The following MYT1L variants were observed in gnomAD, a reference collection of about 807,000 sequenced individuals.
MYT1L encodes myelin transcription factor 1-like protein.
In MYT1L, 12 loss-of-function variants were observed where a neutral mutation model predicts 126.7. The ratio of observed to expected loss-of-function variants is 0.09; its 90% confidence interval spans 0.06 to 0.15. The LOEUF (loss-of-function observed/expected upper bound fraction) is 0.15. Ranked by LOEUF, MYT1L falls within the 10% of genes least tolerant of loss-of-function variation. The probability of loss-of-function intolerance (pLI) is 1.00; values close to 1 mark genes in which losing one functional copy is unlikely to be tolerated. For synonymous variants in MYT1L, 541 were observed against 604.2 expected, an observed-to-expected ratio of 0.90 and a Z score of 1.53; for missense variants, 979 against 1,585.2, an observed-to-expected ratio of 0.62 and a Z score of 6.49.
At chr2:1,935,953 T>C (rs1459089024) in intron 9 of MYT1L, among the ~76,000 whole-genome samples, 7 of 152,206 alleles carry the variant, frequency 4.6e-5, no homozygotes. Flanking sequence ...AGTTTTGCTC[T>C]TGTCACCCAG....
chr2:2,153,054 T>TGGG (rs2086076704), intron 3 of MYT1L, among the ~76,000 whole-genome samples: 1 of 152,100 alleles, frequency 6.6e-6, no homozygotes, highest in Non-Finnish European at 1.5e-5. Context: ...TCTCAGCACT[T>TGGG]TGGGAGACTA....
intron 2 of MYT1L, among the ~76,000 whole-genome samples, chr2:2,249,752 G>A (rs1399181652): frequency 2.0e-5 from 3 of 151,986 alleles, no homozygotes; most frequent in Admixed American, 1.3e-4. Flanking sequence ...TACAGAAAGG[G>A]AGAAAATATT....
At chr2:1,794,300 C>G (rs1438487417) in intron 23 of MYT1L, among the ~76,000 whole-genome samples, 1 of 152,250 alleles carries the variant, frequency 6.6e-6, no homozygotes, top group Non-Finnish European at 1.5e-5. Flanking sequence ...GAGCCCAGCC[C>G]AGCTCGCCTC....
chr2:1,952,811 CCCTT>C (rs1193299190), intron 8 of MYT1L, among the ~76,000 whole-genome samples: 2 of 69,764 alleles, frequency 2.9e-5, no homozygotes, highest in Non-Finnish European at 5.5e-5. Context: ...CTCCCTCCCT[CCCTT>C]CCTCTCTCCC....
intron 22 of MYT1L, among the ~76,000 whole-genome samples, chr2:1,808,680 G>A (rs916382593): frequency 5.3e-5 from 8 of 152,288 alleles, no homozygotes; most frequent in Non-Finnish European, 1.2e-4. Flanking sequence ...GAGTGAGGGC[G>A]ACAGGGGAGG....
At chr2:1,826,279 C>T (rs112279472) in intron 21 of MYT1L, among the ~76,000 whole-genome samples, 1,928 of 152,340 alleles carry the variant, frequency 0.013, 39 homozygotes, top group African/African-American at 0.042. Context: ...GGACACAGTT[C>T]GGCTTCCTGC....
chr2:1,818,317 G>A (rs2038000659), intron 21 of MYT1L, among the ~76,000 whole-genome samples: 1 of 152,206 alleles, frequency 6.6e-6, no homozygotes, highest in East Asian at 1.9e-4. Context: ...GAAGAGCCCA[G>A]CCAGGTGCTG....
chr2:1,827,658 A>G (rs566496557), intron 21 of MYT1L: 3 of 152,232 alleles, frequency 2.0e-5, no homozygotes, highest in Non-Finnish European at 4.4e-5. Context: ...AATCATCATC[A>G]GAGACTTCAG....
chr2:1,863,659 T>G (rs577058146), intron 18 of MYT1L, among the ~76,000 whole-genome samples: 3 of 135,512 alleles, frequency 2.2e-5, no homozygotes, highest in South Asian at 2.2e-4. Context: ...CCAGGAGGGA[T>G]AGAAACGGTA....
intron 3 of MYT1L, among the ~76,000 whole-genome samples, chr2:2,060,233 C>G (rs1243031488): frequency 6.6e-6 from 1 of 152,184 alleles, no homozygotes; most frequent in Non-Finnish European, 1.5e-5. Context: ...TAGGCCATTT[C>G]CTCATTTTCA....
intron 8 of MYT1L, among the ~76,000 whole-genome samples, chr2:1,966,572 C>A (rs1196577287): frequency 6.6e-6 from 1 of 152,026 alleles, no homozygotes; most frequent in Non-Finnish European, 1.5e-5. Context: ...AGGGAAGAAA[C>A]GAAAAGACAC....
chr2:2,153,420 G>C (rs931263826), intron 3 of MYT1L, among the ~76,000 whole-genome samples: 3 of 152,210 alleles, frequency 2.0e-5, no homozygotes, highest in African/African-American at 7.2e-5. Flanking sequence ...GTCAGAGCTG[G>C]AGGTGCTGGG....
intron 3 of MYT1L, among the ~76,000 whole-genome samples, chr2:2,131,109 CT>C (rs1405884244): frequency 6.6e-6 from 1 of 152,142 alleles, no homozygotes; most frequent in Non-Finnish European, 1.5e-5. Context: ...GCAGCTGTCC[CT>C]GGGGAAAGCT....
At chr2:2,316,727 A>G (rs2096070525) in intron 1 of MYT1L, among the ~76,000 whole-genome samples, 1 of 152,252 alleles carries the variant, frequency 6.6e-6, no homozygotes, top group Non-Finnish European at 1.5e-5. Flanking sequence ...AAATCAATAG[A>G]GAAAATAACT....
At chr2:1,937,465 T>G (rs1252258456) in intron 9 of MYT1L, among the ~76,000 whole-genome samples, 1 of 151,146 alleles carries the variant, frequency 6.6e-6, no homozygotes, top group African/African-American at 2.4e-5. Context: ...TCCGCAGCCA[T>G]CAGATCGTAC....
intron 3 of MYT1L, among the ~76,000 whole-genome samples, chr2:2,128,799 C>T (rs763053586): frequency 6.6e-6 from 1 of 152,086 alleles, no homozygotes; most frequent in South Asian, 2.1e-4. Flanking sequence ...AATAACACTG[C>T]ATTGAGATCA....
intron 2 of MYT1L, among the ~76,000 whole-genome samples, chr2:2,226,256 C>T (rs2094006043): frequency 6.6e-6 from 1 of 152,198 alleles, no homozygotes; most frequent in Admixed American, 6.5e-5. Context: ...AAACTAGGAA[C>T]ATAGCGGGGG....
chr2:1,863,108 T>C (rs965827141), intron 18 of MYT1L, among the ~76,000 whole-genome samples: 2 of 152,084 alleles, frequency 1.3e-5, no homozygotes, highest in Non-Finnish European at 2.9e-5. Flanking sequence ...GGTGGTAGCT[T>C]TGGGGCTCAA....
intron 2 of MYT1L, among the ~76,000 whole-genome samples, chr2:2,242,108 G>A (rs185369231): frequency 7.9e-4 from 120 of 152,192 alleles, no homozygotes; most frequent in African/African-American, 2.7e-3. Flanking sequence ...AAAGGAAAAG[G>A]AAAAAATGTC....
Sources: gnomAD v4.1 joint callset for allele counts (sites outside exome capture counted in the v4.1 genomes callset) on GRCh38, gnomAD v4.1.1 for gene constraint, MANE v1.5 for transcripts, NCBI Gene and HGNC (gene_info 2026-07-23, HGNC 2026-07-21) for gene names.